Variants in INVS observed in about 807,000 individuals in gnomAD.
The protein encoded by INVS is inversin.
In INVS, 86 loss-of-function variants were observed where a neutral mutation model predicts 108.8. The observed-to-expected ratio is 0.79, with a 90% CI of 0.66 to 0.95. The LOEUF is 0.95. INVS is among the 40% of genes least tolerant of loss of function. INVS has a pLI of 0.00. For synonymous variants in INVS, 455 were observed against 473.5 expected (o/e 0.96, Z 0.51); for missense variants, 1,169 against 1,297.4 (o/e 0.90, Z 1.52).
chr9:100,160,385 T>TA (rs1442707206), intron 3 of INVS, among the ~76,000 whole-genome samples: 1 of 152,204 alleles, frequency 6.6e-6, no homozygotes, highest in Non-Finnish European at 1.5e-5. Context: ...TACAGAGTGA[T>TA]ATATAATAAC....
chr9:100,117,332 G>A, intron 2 of INVS: 2 of 732,978 alleles, frequency 2.7e-6, no homozygotes, highest in Non-Finnish European at 2.5e-6. Flanking sequence ...GTCCTTGAGA[G>A]AGGCCCCCAG....
At position 100,256,792 on chromosome 9, in the gene INVS, A is replaced by C. The variant is rs183962875; in HGVS notation, c.1464+3656A>C. On this transcript the variant is annotated intron_variant, in intron 10 of 16. Transcript: ENST00000262457. ...TGTGGTCTGAGAGACAGTTTGTTGT[A>C]ATTTCTGTTCTTTTACATTTGCTGA... Among the ~76,000 whole-genome samples the C allele has an allele frequency of 3.3e-5, 5 of 152,198 alleles. No individual in the cohort carries two copies. In the East Asian group the frequency reaches 9.6e-4, roughly 29 times the overall value.
At chr9:100,140,224 T>G (rs965592505) in intron 3 of INVS, among the ~76,000 whole-genome samples, 5 of 152,204 alleles carry the variant, frequency 3.3e-5, no homozygotes, top group African/African-American at 1.2e-4. Flanking sequence ...AGGCTTTGTG[T>G]GAGCAACAAG....
chr9:100,144,751 C>A (rs149844623), intron 3 of INVS, among the ~76,000 whole-genome samples: 55 of 151,314 alleles, frequency 3.6e-4, no homozygotes, highest in African/African-American at 1.3e-3. Flanking sequence ...CTCGGCCTGG[C>A]GACAAGCAGC....
At chr9:100,161,820 G>A (rs548934089) in intron 3 of INVS, among the ~76,000 whole-genome samples, 62 of 152,230 alleles carry the variant, frequency 4.1e-4, no homozygotes, top group African/African-American at 1.4e-3. Flanking sequence ...TTAGAGTCAA[G>A]GTAAGCCCCA....
intron 12 of INVS, among the ~76,000 whole-genome samples, chr9:100,274,780 C>G (rs909096996): frequency 6.6e-6 from 1 of 152,166 alleles, no homozygotes; most frequent in African/African-American, 2.4e-5. Context: ...GCTGGGACTA[C>G]AGGCATGAGC....
intron 3 of INVS, among the ~76,000 whole-genome samples, chr9:100,166,446 C>A (rs770472631): frequency 3.3e-5 from 5 of 152,116 alleles, no homozygotes; most frequent in Non-Finnish European, 5.9e-5. Flanking sequence ...CCACTTGAGC[C>A]TGGGAGGTCA....
intron 3 of INVS, among the ~76,000 whole-genome samples, chr9:100,197,955 G>T (rs1830426879): frequency 6.6e-6 from 1 of 152,072 alleles, no homozygotes; most frequent in Admixed American, 6.6e-5. Context: ...GTTTTCTGAG[G>T]CCTGTTTCTG....
At position 100,118,302 on chromosome 9, in the gene INVS, G is replaced by A. The variant is rs150035102; in HGVS notation, c.107-8081G>A. 5.8e-3 allele frequency among the ~76,000 whole-genome samples: 869 copies of A among 150,980 alleles called. 7 individuals are homozygous for A. Among genetic ancestry groups the A allele is most frequent in the African/African-American group, 0.02 (823 of 41,116 alleles). ...CAGCTCACTGCAACCTCCACCTCCC[G>A]GGTTCAAGCGATTCTCTTGCCTCAA... On this transcript the variant is annotated intron_variant, in intron 2 of 16. Coordinates refer to ENST00000262457, the MANE Select transcript of INVS (RefSeq NM_014425.5).
At chr9:100,100,966 AT>A (rs1229809904) in intron 1 of INVS, among the ~76,000 whole-genome samples, 3 of 18,580 alleles carry the variant, frequency 1.6e-4, no homozygotes, top group Non-Finnish European at 2.5e-4. Flanking sequence ...TATATATATA[AT>A]ATATATTATA....
chr9:100,148,697 G>A (rs781708175), intron 3 of INVS, among the ~76,000 whole-genome samples: 1 of 152,190 alleles, frequency 6.6e-6, no homozygotes, highest in African/African-American at 2.4e-5. Flanking sequence ...AATTAAAGCT[G>A]TTATTTAAAG....
chr9:100,149,153 T>A (rs907907802), intron 3 of INVS, among the ~76,000 whole-genome samples: 3 of 152,176 alleles, frequency 2.0e-5, no homozygotes, highest in Non-Finnish European at 2.9e-5. Flanking sequence ...CTGTATCCAC[T>A]CATTAGTCCA....
chr9:100,156,257 CTTTTTTTTT>C (rs931919205), intron 3 of INVS, among the ~76,000 whole-genome samples: 2 of 124,718 alleles, frequency 1.6e-5, no homozygotes, highest in Non-Finnish European at 3.3e-5. Flanking sequence ...GTTAGGAATA[CTTTTTTTTT>C]TTTTTTTTTT....
chr9:100,120,272 T>G (rs1827686148), intron 2 of INVS, among the ~76,000 whole-genome samples: 1 of 152,128 alleles, frequency 6.6e-6, no homozygotes, highest in South Asian at 2.1e-4. Flanking sequence ...TCCTTATAAA[T>G]TACTGCTATC....
intron 3 of INVS, among the ~76,000 whole-genome samples, chr9:100,134,127 T>C (rs1403309798): frequency 6.6e-6 from 1 of 152,058 alleles, no homozygotes; most frequent in Non-Finnish European, 1.5e-5. Context: ...AAGTCCACTG[T>C]ATCATTCTTA....
chr9:100,107,881 G>T (rs1827227454), intron 2 of INVS, among the ~76,000 whole-genome samples: 1 of 152,078 alleles, frequency 6.6e-6, no homozygotes, highest in Admixed American at 6.6e-5. Flanking sequence ...TGGCACATAA[G>T]AAATATATTT....
intron 3 of INVS, among the ~76,000 whole-genome samples, chr9:100,214,710 C>T (rs1186078517): frequency 6.6e-6 from 1 of 152,196 alleles, no homozygotes; most frequent in Non-Finnish European, 1.5e-5. Context: ...TAAGAACCAC[C>T]AATGCCCATG....
intron 3 of INVS, chr9:100,175,384 A>G (rs1340807508): frequency 2.5e-6 from 2 of 808,324 alleles, no homozygotes; most frequent in Non-Finnish European, 4.4e-6. Context: ...TCTGCAGAGA[A>G]GAGCACCGCA....
At chr9:100,197,733 TG>T (rs1055868580) in intron 3 of INVS, among the ~76,000 whole-genome samples, 27 of 152,362 alleles carry the variant, frequency 1.8e-4, no homozygotes, top group African/African-American at 6.0e-4. Context: ...AGATTCATCT[TG>T]GCCTCTCTGC....
Sources: allele counts gnomAD v4.1 joint callset (sites outside exome capture counted in the v4.1 genomes callset), GRCh38; gene constraint gnomAD v4.1.1; transcripts MANE v1.5; gene names NCBI Gene and HGNC (gene_info 2026-07-23, HGNC 2026-07-21).